The following SH3GL2 variants were observed in gnomAD, a reference collection of about 807,000 sequenced individuals.
The protein encoded by SH3GL2 is SH3 domain containing GRB2 like 2, endophilin A1.
SH3GL2 carries 24 observed loss-of-function variants against 46.0 expected under a neutral mutation model. The observed-to-expected ratio is 0.52, with a 90% CI of 0.38 to 0.73. The LOEUF is 0.73. SH3GL2 is among the 30% of genes least tolerant of loss of function. The probability of loss-of-function intolerance (pLI) is 0.00; values close to 1 mark genes in which losing one functional copy is unlikely to be tolerated. For synonymous variants in SH3GL2, 196 were observed against 147.1 expected, an observed-to-expected ratio of 1.33 and a Z score of -2.40; for missense variants, 413 against 424.2, an observed-to-expected ratio of 0.97 and a Z score of 0.23.
At chr9:17,726,402 G>C (rs1822020987) in intron 1 of SH3GL2, among the ~76,000 whole-genome samples, 3 of 152,112 alleles carry the variant, frequency 2.0e-5, no homozygotes, top group South Asian at 2.1e-4. Context: ...TGAATGAATA[G>C]ATACTACATT....
intron 1 of SH3GL2, among the ~76,000 whole-genome samples, chr9:17,624,886 T>G (rs1177504020): frequency 1.3e-5 from 2 of 152,194 alleles, no homozygotes; most frequent in African/African-American, 4.8e-5. Flanking sequence ...TATCCATTTC[T>G]TGGTAGATGT....
intron 1 of SH3GL2, among the ~76,000 whole-genome samples, chr9:17,610,749 G>A (rs1481890452): frequency 5.9e-5 from 9 of 151,944 alleles, no homozygotes; most frequent in Admixed American, 2.6e-4. Flanking sequence ...TAATAAAAGC[G>A]AATATCTTCT....
At chr9:17,708,516 C>G in intron 1 of SH3GL2, among the ~76,000 whole-genome samples, 1 of 151,964 alleles carries the variant, frequency 6.6e-6, no homozygotes, top group Non-Finnish European at 1.5e-5. Context: ...TAGAGCTTGA[C>G]TTTCTTAGAA....
At chr9:17,754,947 T>G (rs1822945787) in intron 2 of SH3GL2, among the ~76,000 whole-genome samples, 1 of 152,184 alleles carries the variant, frequency 6.6e-6, no homozygotes, top group Non-Finnish European at 1.5e-5. Flanking sequence ...ATAGCTTGAC[T>G]TCCTCTCTTC....
chr9:17,788,217 T>C (rs1232206533), intron 5 of SH3GL2, among the ~76,000 whole-genome samples: 2 of 152,146 alleles, frequency 1.3e-5, no homozygotes, highest in East Asian at 3.9e-4. Flanking sequence ...AAATCTCCTT[T>C]AGCAGTACCA....
intron 6 of SH3GL2, among the ~76,000 whole-genome samples, chr9:17,790,620 G>A (rs149650559): frequency 4.9e-4 from 75 of 152,246 alleles, no homozygotes; most frequent in African/African-American, 1.7e-3. Flanking sequence ...TGCTTCTGTT[G>A]ACTTGGAGGC....
intron 1 of SH3GL2, among the ~76,000 whole-genome samples, chr9:17,648,779 A>G (rs529217800): frequency 1.3e-5 from 2 of 152,330 alleles, no homozygotes; most frequent in South Asian, 4.1e-4. Context: ...AGAGTTTCCT[A>G]TGATAATGTT....
chr9:17,583,721 T>C (rs1818319950), intron 1 of SH3GL2, among the ~76,000 whole-genome samples: 1 of 152,204 alleles, frequency 6.6e-6, no homozygotes, highest in Admixed American at 6.5e-5. Context: ...TGTTTATTTG[T>C]CACACTCAGA....
intron 2 of SH3GL2, among the ~76,000 whole-genome samples, chr9:17,756,309 T>G (rs927673947): frequency 2.6e-5 from 4 of 152,136 alleles, no homozygotes; most frequent in African/African-American, 9.7e-5. Context: ...CAGTTTCACT[T>G]TCTTTTTTTT....
intron 1 of SH3GL2, among the ~76,000 whole-genome samples, chr9:17,696,010 GTGT>G (rs985451000): frequency 6.6e-6 from 1 of 152,078 alleles, no homozygotes; most frequent in Non-Finnish European, 1.5e-5. Context: ...AGTTCAGGCT[GTGT>G]TGTTGTCTGA....
intron 1 of SH3GL2, among the ~76,000 whole-genome samples, chr9:17,622,971 C>CTTTCG (rs1271433820): frequency 1.4e-3 from 135 of 94,694 alleles, no homozygotes; most frequent in African/African-American, 5.2e-3. Context: ...CTCCCTTTTC[C>CTTTCG]TTTCGTTTCC....
intron 2 of SH3GL2, among the ~76,000 whole-genome samples, chr9:17,751,188 C>CT (rs981919926): frequency 2.0e-5 from 3 of 152,078 alleles, no homozygotes; most frequent in African/African-American, 7.2e-5. Flanking sequence ...TAAGGAGCAA[C>CT]TTTGAGTTTT....
chr9:17,637,393 A>G (rs575456822), intron 1 of SH3GL2, among the ~76,000 whole-genome samples: 59 of 152,312 alleles, frequency 3.9e-4, no homozygotes, highest in South Asian at 1.5e-3. Context: ...TTGAATTCCC[A>G]TAAACGTCTG....
intron 1 of SH3GL2, among the ~76,000 whole-genome samples, chr9:17,728,936 A>G (rs113035471): frequency 0.012 from 1,846 of 152,272 alleles, 50 homozygotes; most frequent in African/African-American, 0.042. Flanking sequence ...CAATAAATAT[A>G]CATGTGCATG....
intron 1 of SH3GL2, among the ~76,000 whole-genome samples, chr9:17,643,862 G>T (rs1819742731): frequency 6.6e-6 from 1 of 152,132 alleles, no homozygotes; most frequent in Non-Finnish European, 1.5e-5. Flanking sequence ...GAGTAAGAGA[G>T]GAGTCCCTCT....
At chr9:17,762,399 C>T (rs9407840) in intron 3 of SH3GL2, among the ~76,000 whole-genome samples, 5 of 44,764 alleles carry the variant, frequency 1.1e-4, no homozygotes, top group South Asian at 8.3e-4. Flanking sequence ...GACAAGTGAT[C>T]AAAAAAAAAA....
chr9:17,664,720 T>C (rs1265047464), intron 1 of SH3GL2, among the ~76,000 whole-genome samples: 1 of 151,512 alleles, frequency 6.6e-6, no homozygotes, highest in East Asian at 1.9e-4. Flanking sequence ...TATAATCATA[T>C]AGAAAATTCA....
At chr9:17,676,100 A>C (rs1297713873) in intron 1 of SH3GL2, among the ~76,000 whole-genome samples, 5 of 152,170 alleles carry the variant, frequency 3.3e-5, no homozygotes, top group Admixed American at 2.6e-4. Context: ...AAGAAGGGAG[A>C]GAAATACATT....
intron 1 of SH3GL2, among the ~76,000 whole-genome samples, chr9:17,595,744 T>G (rs1235951037): frequency 6.6e-6 from 1 of 152,160 alleles, no homozygotes; most frequent in African/African-American, 2.4e-5. Flanking sequence ...ACATTCATGA[T>G]TATTGCCAAA....
Sources: gnomAD v4.1 joint callset for allele counts (sites outside exome capture counted in the v4.1 genomes callset) on GRCh38, gnomAD v4.1.1 for gene constraint, MANE v1.5 for transcripts, NCBI Gene and HGNC (gene_info 2026-07-23, HGNC 2026-07-21) for gene names.